The following PLXNA2 variants were observed in gnomAD, a reference collection of about 807,000 sequenced individuals.
PLXNA2 encodes plexin-A2.
Under a neutral mutation model 193.5 loss-of-function variants are expected in PLXNA2, and 91 were observed. The ratio of observed to expected loss-of-function variants is 0.47; its 90% CI spans 0.40 to 0.56. The LOEUF (loss-of-function observed/expected upper bound fraction) is 0.56, where lower values mean the gene tolerates loss of function less well. Ranked by LOEUF, PLXNA2 falls within the 20% of genes least tolerant of loss-of-function variation. The pLI, the probability that PLXNA2 is intolerant of heterozygous loss-of-function variation, is 0.00. For missense variants in PLXNA2, 1,995 were observed against 2,503.2 expected, an observed-to-expected ratio of 0.80 and a Z score of 4.33; for synonymous variants, 997 against 1,027.3, an observed-to-expected ratio of 0.97 and a Z score of 0.56.
intron 3 of PLXNA2, among the ~76,000 whole-genome samples, chr1:208,195,734 G>C (rs1670337934): frequency 1.3e-5 from 2 of 152,046 alleles, no homozygotes; most frequent in Admixed American, 1.3e-4. Flanking sequence ...CTGCAGCCCA[G>C]GGGTGTCTGC....
In PLXNA2 at chr1:208,221,557, C is replaced by T. The variant is rs541386963; in HGVS notation, c.-80-3555G>A. Among the ~76,000 whole-genome samples, 89 of 152,194 alleles carry T rather than the reference C, an allele frequency of 5.8e-4. 3 individuals carry two copies. In the South Asian group the frequency reaches 0.015, roughly 26 times the overall value. ...GGACTGCCCGCCTGGGAGCAGCTGTCATTGGACACTGGAGTCAAGAGGAGG... is the reference window on the plus strand; with the variant it reads ...GGACTGCCCGCCTGGGAGCAGCTGTTATTGGACACTGGAGTCAAGAGGAGG... On this transcript the variant is annotated intron_variant, in intron 1 of 31. Transcript: ENST00000367033.
rs778811723 is a variant in PLXNA2 at position 208,022,914 on chromosome 1, T to C, written c.*4329A>G. 6.6e-6 allele frequency: 1 copy of C among 152,170 alleles called. No homozygotes were observed. Among genetic ancestry groups the C allele is most frequent in the Non-Finnish European group, 1.5e-5 (1 of 68,036 alleles). The allele number at this position is 152,170 out of a possible 1,614,324, so 9.4% of individuals were successfully genotyped here. A position where few individuals can be genotyped will look rare whatever the true frequency, so the allele number is the denominator to read the frequency against. ...GGCCCTGTATGCCAAGCAGTGGCTG[T>C]GATCGTGTCTCAGGACTTTCCCTAG... On this transcript the variant is annotated 3_prime_UTR_variant, in exon 32 of 32. Coordinates refer to ENST00000367033, the MANE Select transcript of PLXNA2 (RefSeq NM_025179.4).
chr1:208,113,587 T>C (rs1321729089), intron 4 of PLXNA2, among the ~76,000 whole-genome samples: 1 of 146,590 alleles, frequency 6.8e-6, no homozygotes, highest in Non-Finnish European at 1.5e-5. Flanking sequence ...TCTTGCTCTG[T>C]TGCCCAGCCT....
At chr1:208,169,933 A>C (rs938995503) in intron 3 of PLXNA2, among the ~76,000 whole-genome samples, 2 of 152,158 alleles carry the variant, frequency 1.3e-5, no homozygotes, top group African/African-American at 4.8e-5. Context: ...TCCCTTCCTA[A>C]ATGTCTAGAC....
chr1:208,238,761 GCTA>G, intron 1 of PLXNA2, among the ~76,000 whole-genome samples: 1 of 152,334 alleles, frequency 6.6e-6, no homozygotes, highest in East Asian at 1.9e-4. Context: ...GAGCAGTTTT[GCTA>G]CTACCTGAGA....
At position 208,119,145 on chromosome 1, in the gene PLXNA2, C is replaced by CT. The variant is rs935866571; in HGVS notation, c.1507-15899dup. ...CTATTTAGTGACTGCCTGAATGCTT[C>CT]TTTTTTTTTAGAGCAGGAGAGTGTG... On this transcript the variant is annotated intron_variant, in intron 4 of 31. Coordinates refer to ENST00000367033, the MANE Select transcript of PLXNA2 (RefSeq NM_025179.4). Among the ~76,000 whole-genome samples, 34 of 151,542 alleles carry CT rather than the reference C, an allele frequency of 2.2e-4. No individual in the cohort carries two copies. The East Asian group carries it at 4.6e-3, about 21-fold the overall frequency.
rs1671870741 is a variant in PLXNA2, at chr1:208,236,796, G to A, written c.-81+6847C>T. 1.3e-5 allele frequency among the ~76,000 whole-genome samples: 2 copies of A among 152,204 alleles called. No homozygotes were observed. Among genetic ancestry groups the A allele is most frequent in the South Asian group, 2.1e-4 (1 of 4,830 alleles). On this transcript the variant is annotated intron_variant, in intron 1 of 31. Coordinates refer to ENST00000367033, the MANE Select transcript of PLXNA2 (RefSeq NM_025179.4). The surrounding 1 kb of genome is among the most constrained non-coding windows in gnomAD (Gnocchi z 4.4). ...AGTGGTTCTTTACATTGTGGAGGGG[G>A]CAAGAACTCCTTCTCTTCGGAAATA...
intron 4 of PLXNA2, among the ~76,000 whole-genome samples, chr1:208,104,240 G>A (rs1426016091): frequency 6.6e-6 from 1 of 152,190 alleles, no homozygotes; most frequent in Non-Finnish European, 1.5e-5. Context: ...TCTGGCAGGG[G>A]GACAAAAGAT....
At chr1:208,039,080 A>C in intron 24 of PLXNA2, 96 bp from the exon 25 acceptor site, 1 of 1,152,802 alleles carries the variant, frequency 8.7e-7, no homozygotes, top group Non-Finnish European at 1.2e-6. Flanking sequence ...TCCAAAGTTC[A>C]CCCTCCTTAT....
At chr1:208,158,743 C>T (rs115531861) in intron 3 of PLXNA2, among the ~76,000 whole-genome samples, 16 of 152,298 alleles carry the variant, frequency 1.1e-4, no homozygotes, top group Non-Finnish European at 1.9e-4. Flanking sequence ...CAGGAAGCTG[C>T]GCTGGGAAAA....
In PLXNA2 at chr1:208,188,845, C is replaced by A. The variant is rs1022342425; in HGVS notation, c.1371+21435G>T. On this transcript the variant is annotated intron_variant, in intron 3 of 31. Transcript: ENST00000367033. ...GTAAAGTTGGATCTTCTGGACCCTGCAGTTTCAGAAGTCACCAAAGATAAG... is the reference window on the plus strand; with the variant it reads ...GTAAAGTTGGATCTTCTGGACCCTGAAGTTTCAGAAGTCACCAAAGATAAG... 3.9e-5 allele frequency among the ~76,000 whole-genome samples: 6 copies of A among 152,250 alleles called. No homozygotes were observed. In the East Asian group the frequency reaches 1.2e-3, roughly 29 times the overall value.
At chr1:208,212,469 C>T (rs1264868343) in intron 2 of PLXNA2, among the ~76,000 whole-genome samples, 1 of 152,038 alleles carries the variant, frequency 6.6e-6, no homozygotes, top group Admixed American at 6.6e-5. Context: ...CTTTTGAACC[C>T]GGGATAATAT....
intron 3 of PLXNA2, among the ~76,000 whole-genome samples, chr1:208,186,942 C>T (rs1027535564): frequency 8.6e-5 from 13 of 151,292 alleles, no homozygotes; most frequent in African/African-American, 1.7e-4. Flanking sequence ...AGGATGGTCT[C>T]GATCTCCTGA....
At chr1:208,166,877 A>G (rs1022275947) in intron 3 of PLXNA2, among the ~76,000 whole-genome samples, 9 of 152,312 alleles carry the variant, frequency 5.9e-5, no homozygotes, top group Non-Finnish European at 1.2e-4. Flanking sequence ...TGGCTTAGGC[A>G]TAGCACTCCT....
At chr1:208,099,532 C>T (rs373858727) in intron 5 of PLXNA2, among the ~76,000 whole-genome samples, 6 of 152,260 alleles carry the variant, frequency 3.9e-5, no homozygotes, top group Admixed American at 1.3e-4. Context: ...TCCCTGCCTC[C>T]AGACCCTGTT....
At position 208,027,181 on chromosome 1, in the gene PLXNA2, TGAGAC is replaced by T; in HGVS notation, c.*57_*61del. On this transcript the variant is annotated 3_prime_UTR_variant, in exon 32 of 32. Transcript: ENST00000367033. ...GATCCCCATCACTTGTCCTTCCATC[TGAGAC>T]TCCCAGTGTGACAGCTTGGACAGGT... 7.2e-7 allele frequency: 1 copy of T among 1,395,526 alleles called. No homozygotes were observed. The highest frequency in any genetic ancestry group is 2.3e-5 in the East Asian group (1 of 43,352). The allele number at this position is 1,395,526 out of a possible 1,614,324, so 86.4% of individuals were successfully genotyped here.
Position 208,086,562 on chromosome 1 carries a change from A to G in PLXNA2, c.2098-1982T>C, listed in dbSNP as rs947994298. ...AACCCACCTAAGAGGGTCTGGACAC[A>G]CCGGCAGGCTCACCAGTGTCATCCC... On this transcript the variant is annotated intron_variant, in intron 9 of 31. Transcript: ENST00000367033. Among the ~76,000 whole-genome samples the G allele has an allele frequency of 3.3e-5, 5 of 152,058 alleles. No homozygotes were observed. In the East Asian group the frequency reaches 9.7e-4, roughly 29 times the overall value.
At chr1:208,150,038 G>A (rs565484886) in intron 3 of PLXNA2, among the ~76,000 whole-genome samples, 9 of 152,304 alleles carry the variant, frequency 5.9e-5, no homozygotes, top group Middle Eastern at 3.4e-3. Flanking sequence ...CTAATTGGAC[G>A]GGGACGCAGG....
At chr1:208,113,269 G>A (rs1249707062) in intron 4 of PLXNA2, among the ~76,000 whole-genome samples, 1 of 152,182 alleles carries the variant, frequency 6.6e-6, no homozygotes, top group Non-Finnish European at 1.5e-5. Flanking sequence ...ATGGGGTGGG[G>A]TGATAAGGCA....
Sources: gnomAD v4.1 joint callset for allele counts (sites outside exome capture counted in the v4.1 genomes callset) on GRCh38, gnomAD v4.1.1 for gene constraint, Gnocchi (gnomAD v3.1) non-coding constraint, MANE v1.5 for transcripts, NCBI Gene and HGNC (gene_info 2026-07-23, HGNC 2026-07-21) for gene names.